Variants in TMEM106B observed in about 807,000 individuals in gnomAD.
TMEM106B encodes transmembrane protein 106B.
In TMEM106B, 15 loss-of-function variants were observed where a neutral mutation model predicts 31.1. The ratio of observed to expected loss-of-function variants is 0.48; its 90% confidence interval spans 0.32 to 0.74. The LOEUF is 0.74. Ranked by LOEUF, TMEM106B falls within the 30% of genes least tolerant of loss-of-function variation. The pLI is 0.03. For synonymous variants in TMEM106B, 126 were observed against 112.5 expected (o/e 1.12, Z -0.76); for missense variants, 283 against 327.3 (o/e 0.86, Z 1.04).
intron 2 of TMEM106B, among the ~76,000 whole-genome samples, chr7:12,215,421 A>G (rs1781667401): frequency 6.7e-6 from 1 of 149,426 alleles, no homozygotes; most frequent in African/African-American, 2.5e-5. Flanking sequence ...TTTTTTTAAG[A>G]GATGAGATCT....
intron 3 of TMEM106B, among the ~76,000 whole-genome samples, chr7:12,219,720 A>G (rs867865947): frequency 6.6e-6 from 1 of 152,204 alleles, no homozygotes. Flanking sequence ...GGAAGAACAC[A>G]AGTACAAATA....
intron 3 of TMEM106B, among the ~76,000 whole-genome samples, chr7:12,221,594 G>A (rs1426959626): frequency 6.6e-6 from 1 of 152,198 alleles, no homozygotes; most frequent in African/African-American, 2.4e-5. Flanking sequence ...ACAGGGCAGT[G>A]ATTCCTGAGA....
rs1782182051 is a variant in TMEM106B, at chr7:12,238,471, C to T, written c.*6496C>T. On this transcript the variant is annotated 3_prime_UTR_variant, in exon 8 of 8. Transcript: ENST00000396668. ...AATGTTCATATTTAGACCTCTTCCC[C>T]TGAATCACAAATGTTGTTAATGGCA... The T allele has an allele frequency of 6.6e-6, 1 of 152,182 alleles. No homozygotes were observed. The highest frequency in any genetic ancestry group is 6.5e-5 in the Admixed American group (1 of 15,268). 9.4% of individuals were successfully genotyped at this position (152,182 alleles called of 1,614,324 possible). A position where few individuals can be genotyped will look rare whatever the true frequency, so the allele number is the denominator to read the frequency against.
intron 4 of TMEM106B, 88 bp from the exon 5 acceptor site, chr7:12,229,591 A>G: frequency 9.2e-7 from 1 of 1,082,056 alleles, no homozygotes; most frequent in Non-Finnish European, 1.3e-6. Flanking sequence ...TAAATGAAGC[A>G]TAGCTACAGC....
At chr7:12,230,320 A>G in intron 5 of TMEM106B, 69 bp from the exon 6 acceptor site, 6 of 1,107,182 alleles carry the variant, frequency 5.4e-6, no homozygotes, top group Non-Finnish European at 5.5e-6. Context: ...ATTTGAAGTT[A>G]TGAAGTATAT....
Position 12,223,237 on chromosome 7 carries a change from T to C in TMEM106B, c.282-989T>C, listed in dbSNP as rs557888805. Among the ~76,000 whole-genome samples the C allele has an allele frequency of 4.6e-5, 7 of 152,234 alleles. No homozygotes were observed. In the South Asian group the frequency reaches 1.5e-3, roughly 32 times the overall value. ...ACACCTTCAAAGCAGAGTTGATCAA[T>C]GTAAAAAAAATCTTAAAAACTGAGT... is the stretch of plus-strand genomic sequence containing the variant. On this transcript the variant is annotated intron_variant, in intron 3 of 7. Transcript: ENST00000396668.
rs932532884 is a variant in TMEM106B at position 12,242,298 on chromosome 7, G to C, written c.*10323G>C. The C allele has an allele frequency of 9.6e-5, 5 of 51,996 alleles. No homozygotes were observed. Among genetic ancestry groups the C allele is most frequent in the Non-Finnish European group, 1.6e-4 (5 of 30,574 alleles). The allele number at this position is 51,996 out of a possible 1,614,324, so 3.2% of individuals were successfully genotyped here. A position where few individuals can be genotyped will look rare whatever the true frequency, so the allele number is the denominator to read the frequency against. On this transcript the variant is annotated 3_prime_UTR_variant, in exon 8 of 8. Transcript: ENST00000396668. ...TGAGGCAGGAGAATGGCGTGAACCC[G>C]GGAAGCGGGGCTTGCAGCGAGCCGA...
Position 12,221,087 on chromosome 7 carries a change from A to ATGTGTGTGTGT in TMEM106B, c.281+2566_281+2567insTGTGTGTGTGT, listed in dbSNP as rs1554308776. On this transcript the variant is annotated intron_variant, in intron 3 of 7. Transcript: ENST00000396668. ...GAAGAGGGAGTGGATAAGCAAGTAAAGTGTGTGTGTGTGTGTGTGTGTGTC... is the reference window on the plus strand; with the variant it reads ...GAAGAGGGAGTGGATAAGCAAGTAAATGTGTGTGTGTGTGTGTGTGTGTGTGTGTGTGTGTC... Among the ~76,000 whole-genome samples the ATGTGTGTGTGT allele has an allele frequency of 1.4e-3, 211 of 150,060 alleles. 1 individual carries two copies. The highest frequency in any genetic ancestry group is 2.1e-3 in the Non-Finnish European group (143 of 67,464).
At position 12,239,945 on chromosome 7, in the gene TMEM106B, T is replaced by G. The variant is rs557661153; in HGVS notation, c.*7970T>G. 2 of 152,288 alleles carry G rather than the reference T, an allele frequency of 1.3e-5. No individual in the cohort carries two copies. The highest frequency in any genetic ancestry group is 2.4e-5 in the African/African-American group (1 of 41,562). The allele number at this position is 152,288 out of a possible 1,614,324, so 9.4% of individuals were successfully genotyped here. ...GTTGAAAAAAATGGCACTCATAGAC[T>G]TGTTGGACACAGGATTGAAAGAAAC... On this transcript the variant is annotated 3_prime_UTR_variant, in exon 8 of 8. Transcript: ENST00000396668.
rs900964985 is a variant in TMEM106B at position 12,241,633 on chromosome 7, T to G, written c.*9658T>G. On this transcript the variant is annotated 3_prime_UTR_variant, in exon 8 of 8. Transcript: ENST00000396668. ...TCCATGGTGTATATATGCCACATTT[T>G]CTTTATCCAGTCTATCATTGATGGA... 22 of 152,256 alleles carry G rather than the reference T, an allele frequency of 1.4e-4. No homozygotes were observed. Among genetic ancestry groups the G allele is most frequent in the Non-Finnish European group, 2.2e-4 (15 of 68,058 alleles). 9.4% of individuals were successfully genotyped at this position (152,256 alleles called of 1,614,324 possible).
intron 3 of TMEM106B, among the ~76,000 whole-genome samples, chr7:12,220,542 C>T (rs1261542779): frequency 6.6e-6 from 1 of 152,142 alleles, no homozygotes; most frequent in Non-Finnish European, 1.5e-5. Flanking sequence ...CAATCTTGCT[C>T]ATAATAGAAA....
intron 4 of TMEM106B, among the ~76,000 whole-genome samples, chr7:12,224,683 G>T (rs1309125787): frequency 6.6e-6 from 1 of 152,134 alleles, no homozygotes; most frequent in African/African-American, 2.4e-5. Flanking sequence ...ATATGACTCT[G>T]AATAACTTCT....
Position 12,214,995 on chromosome 7 carries a change from C to G in TMEM106B, c.185C>G (p.Pro62Arg). 1 of 1,613,928 alleles carries G rather than the reference C, an allele frequency of 6.2e-7. No homozygotes were observed. The highest frequency in any genetic ancestry group is 8.5e-7 in the Non-Finnish European group (1 of 1,179,896). ...EFTGRDSVTCPTCQGTGRIPR... is the reference protein window; with the variant it reads ...EFTGRDSVTCRTCQGTGRIPR... ...ACAGGAAGAGATAGTGTCACCTGCC[C>G]TACTTGTCAGGGAACAGGAAGAATT... The change falls in exon 2 of 8, where the codon CCT becomes CGT. Residue 62 changes from proline (P) to arginine (R), a missense_variant. Around this residue, in one of 3 missense-constraint regions of TMEM106B, gnomAD observed 77 missense variants for 89.4 expected, o/e 0.86. Coordinates refer to ENST00000396668, the MANE Select transcript of TMEM106B (RefSeq NM_001134232.2).
In TMEM106B at chr7:12,230,389, A is replaced by T; in HGVS notation, c.583A>T (p.Ile195Phe). The change falls in exon 6 of 8, where the codon ATT becomes TTT. Residue 195 changes from isoleucine (I) to phenylalanine (F), a missense_variant and splice_region_variant. Physicochemically the swap from Ile to Phe is conservative, Grantham distance 21 (BLOSUM62 0). This residue lies in a region of TMEM106B where 201 missense variants were observed against 211.5 expected (regional missense o/e 0.95). Coordinates refer to ENST00000396668, the MANE Select transcript of TMEM106B (RefSeq NM_001134232.2). Reference protein sequence around the residue: ...TIIGPLDMKQIDYTVPTVIAE... With the variant: ...TIIGPLDMKQFDYTVPTVIAE... ...TCGAATTTCTCCTTTTGCCTTTCAGATTGATTACACAGTACCTACCGTTAT... is the reference window on the plus strand; with the variant it reads ...TCGAATTTCTCCTTTTGCCTTTCAGTTTGATTACACAGTACCTACCGTTAT... 1 of 1,601,894 alleles carries T rather than the reference A, an allele frequency of 6.2e-7. No individual in the cohort carries two copies. The highest frequency in any genetic ancestry group is 8.5e-7 in the Non-Finnish European group (1 of 1,170,272).
chr7:12,225,562 C>T (rs1011426899), intron 4 of TMEM106B, among the ~76,000 whole-genome samples: 1 of 152,166 alleles, frequency 6.6e-6, no homozygotes, highest in African/African-American at 2.4e-5. Flanking sequence ...AATCGCCATT[C>T]TAATTGGTGT....
intron 7 of TMEM106B, chr7:12,231,341 A>G (rs2302632): frequency 0.32 from 135,137 of 421,284 alleles, 22,590 homozygotes; most frequent in African/African-American, 0.45. Flanking sequence ...GGATGTCACA[A>G]GAGTTCAGGA....
At chr7:12,221,039 C>T (rs959899547) in intron 3 of TMEM106B, among the ~76,000 whole-genome samples, 2 of 151,654 alleles carry the variant, frequency 1.3e-5, no homozygotes, top group African/African-American at 4.9e-5. Flanking sequence ...ATTGGTTCAC[C>T]TCTGAGTTTG....
chr7:12,212,764 C>T lies in TMEM106B; in HGVS notation c.-3+1339C>T, dbSNP rs767196912. Among the ~76,000 whole-genome samples, 3 of 152,130 alleles carry T rather than the reference C, an allele frequency of 2.0e-5. No individual in the cohort carries two copies. The East Asian group carries it at 5.8e-4, about 29-fold the overall frequency. ...TTGTACCCACCAAGCAGGCTCCTAT[C>T]AGGCATGCCAGTTCTAGAAAGTAAA... On this transcript the variant is annotated intron_variant, in intron 1 of 7. Transcript: ENST00000396668.
intron 4 of TMEM106B, among the ~76,000 whole-genome samples, chr7:12,228,431 G>C (rs1247195446): frequency 7.1e-6 from 1 of 140,756 alleles, no homozygotes; most frequent in Non-Finnish European, 1.5e-5. Context: ...TTAATACCTT[G>C]TAAAAATCTT....
Sources: allele counts gnomAD v4.1 joint callset (sites outside exome capture counted in the v4.1 genomes callset), GRCh38; gene constraint gnomAD v4.1.1; regional missense constraint gnomAD v4.1.1; transcripts MANE v1.5; gene names NCBI Gene and HGNC (gene_info 2026-07-23, HGNC 2026-07-21).